LIPA: variants seen among roughly 807,000 people sequenced by gnomAD.
The protein encoded by LIPA is lysosomal acid lipase/cholesteryl ester hydrolase.
In LIPA, 26 loss-of-function variants were observed where a neutral mutation model predicts 40.6. That is an observed-to-expected ratio of 0.64 (90% CI 0.47 to 0.89). The LOEUF is 0.89. Ranked by LOEUF, LIPA falls within the 40% of genes least tolerant of loss-of-function variation. The pLI, the probability that LIPA is intolerant of heterozygous loss-of-function variation, is 0.00. For synonymous variants in LIPA, 188 were observed against 168.4 expected, an observed-to-expected ratio of 1.12 and a Z score of -0.90; for missense variants, 455 against 479.6, an observed-to-expected ratio of 0.95 and a Z score of 0.48.
At chr10:89,408,014 T>C (rs1039819177) in intron 2 of LIPA, among the ~76,000 whole-genome samples, 1 of 152,218 alleles carries the variant, frequency 6.6e-6, no homozygotes, top group Admixed American at 6.5e-5. Context: ...AGTGCAACTA[T>C]TCTGATCAGC....
rs755675135 is a variant in LIPA, at chr10:89,402,760, C to G, written c.61+10031G>C. The stretch of plus-strand genomic sequence containing the variant: ...GGAAAAAATTATGAACGGGCCAAGG[C>G]CTGCTTTGAAAAGGTGCTTGAAGTG... On this transcript the variant is annotated intron_variant, in intron 2 of 8. Transcript: ENST00000371837. 3 of 1,614,056 alleles carry G rather than the reference C, an allele frequency of 1.9e-6. No homozygotes were observed. In the African/African-American group the frequency reaches 4.0e-5, roughly 22 times the overall value.
At chr10:89,389,192 G>T (rs1163457629) in intron 2 of LIPA, among the ~76,000 whole-genome samples, 1 of 152,128 alleles carries the variant, frequency 6.6e-6, no homozygotes, top group Non-Finnish European at 1.5e-5. Context: ...ATTAAAAAGA[G>T]AAATATCTAG....
intron 2 of LIPA, chr10:89,402,613 A>G: frequency 6.2e-7 from 1 of 1,614,236 alleles, no homozygotes; most frequent in Non-Finnish European, 8.5e-7. Flanking sequence ...AGACTGGCAG[A>G]AGCCCAGACT....
rs1844468487 is a variant in LIPA, at chr10:89,403,210, G to A, written c.61+9581C>T. 6.2e-7 allele frequency: 1 copy of A among 1,614,024 alleles called. No individual in the cohort carries two copies. Among genetic ancestry groups the A allele is most frequent in the Admixed American group, 1.7e-5 (1 of 60,000 alleles). ...GAGGCTACAAAAGGGCAGCCTAGAG[G>A]GCAGAACAGAGAAAAGCTAGACAAA... On this transcript the variant is annotated intron_variant, in intron 2 of 8. Transcript: ENST00000371837.
intron 1 of LIPA, among the ~76,000 whole-genome samples, chr10:89,295,955 A>G (rs1357100820): frequency 2.0e-5 from 3 of 152,310 alleles, no homozygotes; most frequent in South Asian, 2.1e-4. Context: ...TAGCCATACA[A>G]ATTTCTGAAG....
chr10:89,316,718 T>C (rs1843543358), intron 1 of LIPA, among the ~76,000 whole-genome samples: 1 of 152,206 alleles, frequency 6.6e-6, no homozygotes, highest in South Asian at 2.1e-4. Flanking sequence ...AAGAGAGTAG[T>C]GGTTCTCCCA....
chr10:89,263,492 G>A (rs1007751935), intron 1 of LIPA, among the ~76,000 whole-genome samples: 2 of 152,110 alleles, frequency 1.3e-5, no homozygotes, highest in African/African-American at 4.8e-5. Flanking sequence ...ATTTGCCATG[G>A]TAAAAACTCT....
chr10:89,300,964 AAG>A (rs1564779806), intron 1 of LIPA, among the ~76,000 whole-genome samples: 1 of 152,172 alleles, frequency 6.6e-6, no homozygotes, highest in Admixed American at 6.5e-5. Flanking sequence ...GCCTGAAAAA[AAG>A]AGTTTCCCCT....
At chr10:89,397,276 A>G (rs979896210) in intron 2 of LIPA, among the ~76,000 whole-genome samples, 1 of 151,972 alleles carries the variant, frequency 6.6e-6, no homozygotes, top group Non-Finnish European at 1.5e-5. Context: ...TGGGAGATAG[A>G]TTCTGAGGAG....
intron 2 of LIPA, among the ~76,000 whole-genome samples, chr10:89,408,936 G>A (rs1454120189): frequency 6.6e-6 from 1 of 152,172 alleles, no homozygotes; most frequent in Non-Finnish European, 1.5e-5. Context: ...CATGGGGACT[G>A]GAGTCGTAAA....
intron 2 of LIPA, among the ~76,000 whole-genome samples, chr10:89,396,787 G>A (rs1844350668): frequency 6.6e-6 from 1 of 152,234 alleles, no homozygotes; most frequent in African/African-American, 2.4e-5. Flanking sequence ...TGGGTGAGAA[G>A]TGATAGCTCA....
At chr10:89,315,918 A>G (rs141860301) in intron 1 of LIPA, among the ~76,000 whole-genome samples, 1 of 151,556 alleles carries the variant, frequency 6.6e-6, no homozygotes, top group Non-Finnish European at 1.5e-5. Flanking sequence ...CAAAACTACT[A>G]TTTTTTTTTA....
chr10:89,392,404 T>C, intron 2 of LIPA: 1 of 374,836 alleles, frequency 2.7e-6, no homozygotes, highest in African/African-American at 2.0e-5. Context: ...TCTGCAGCAC[T>C]AGAAACATCT....
intron 2 of LIPA, among the ~76,000 whole-genome samples, chr10:89,376,795 A>G (rs1335221809): frequency 6.6e-6 from 1 of 152,216 alleles, no homozygotes; most frequent in African/African-American, 2.4e-5. Flanking sequence ...CCAATTATAG[A>G]ATCATTTCTG....
Position 89,225,172 on chromosome 10 carries a change from C to CA in LIPA, c.594dup (p.Ala199CysfsTer13), listed in dbSNP as rs780495201. On this transcript the variant is annotated frameshift_variant, in exon 6 of 10. Transcript: ENST00000336233. LOFTEE classifies it high-confidence loss of function. ...GCGACGGAAGCCACAGGACCCAGGGCAAAAAACATTTTAATCCTTTTAGCC... is the reference window on the plus strand; with the variant it reads ...GCGACGGAAGCCACAGGACCCAGGGCAAAAAAACATTTTAATCCTTTTAGCC... The CA allele has an allele frequency of 2.0e-5, 33 of 1,613,756 alleles. No homozygotes were observed. The highest frequency in any genetic ancestry group is 2.7e-5 in the Non-Finnish European group (32 of 1,179,942).
intron 3 of LIPA, among the ~76,000 whole-genome samples, chr10:89,238,665 C>A (rs1160523787): frequency 6.6e-6 from 1 of 152,120 alleles, no homozygotes; most frequent in Non-Finnish European, 1.5e-5. Flanking sequence ...AGAATGAAGA[C>A]CTTTATGATG....
intron 8 of LIPA, among the ~76,000 whole-genome samples, chr10:89,218,516 A>G (rs1842656599): frequency 6.6e-6 from 1 of 152,186 alleles, no homozygotes; most frequent in Non-Finnish European, 1.5e-5. Flanking sequence ...CCCTAAGTAC[A>G]TGGCTGCCAA....
chr10:89,226,914 A>G lies in LIPA; in HGVS notation c.519T>C (p.His173=), dbSNP rs768468011. 1 of 1,595,834 alleles carries G rather than the reference A, an allele frequency of 6.3e-7. No individual in the cohort carries two copies. ...ACATACCTATAGTGGTGCCTTGAGAATGACCCACATAATACACTTGTTCTT... is the reference window on the plus strand; with the variant it reads ...ACATACCTATAGTGGTGCCTTGAGAGTGACCCACATAATACACTTGTTCTT... The part of the protein sequence containing the change: ...TGQEQVYYVG[H]SQGTTIGFIA... Residue 173 remains histidine, a synonymous_variant, in exon 5 of 10, where the codon CAT becomes CAC. Coordinates refer to ENST00000336233, the MANE Select transcript of LIPA (RefSeq NM_000235.4).
intron 2 of LIPA, among the ~76,000 whole-genome samples, chr10:89,368,823 A>G (rs1844075665): frequency 6.6e-6 from 1 of 152,082 alleles, no homozygotes; most frequent in Non-Finnish European, 1.5e-5. Flanking sequence ...AGGAGTCCAA[A>G]GTAGACAGAG....
Sources: allele counts gnomAD v4.1 joint callset (sites outside exome capture counted in the v4.1 genomes callset), GRCh38; gene constraint gnomAD v4.1.1; transcripts MANE v1.5; gene names NCBI Gene and HGNC (gene_info 2026-07-23, HGNC 2026-07-21).